Variants in TEK observed in about 807,000 individuals in gnomAD.
The protein encoded by TEK is angiopoietin-1 receptor.
A neutral mutation model predicts 131.8 loss-of-function variants in TEK; 43 were observed. The observed-to-expected ratio is 0.33, with a 90% CI of 0.26 to 0.42. TEK has a LOEUF of 0.42. Ranked by LOEUF, TEK falls within the 10% of genes least tolerant of loss-of-function variation. The pLI is 1.00. For synonymous variants in TEK, 580 were observed against 491.6 expected (o/e 1.18, Z -2.38); for missense variants, 1,162 against 1,384.4 (o/e 0.84, Z 2.55).
chr9:27,219,989 G>C, intron 20 of TEK, 60 bp from the exon 21 acceptor site: 2 of 1,558,994 alleles, frequency 1.3e-6, no homozygotes, highest in Non-Finnish European at 1.8e-6. Context: ...AGAAACCCTG[G>C]ACAGGAAGCA....
Position 27,172,642 on chromosome 9 carries a change from G to C in TEK, c.655G>C (p.Glu219Gln). 6.2e-7 allele frequency: 1 copy of C among 1,613,764 alleles called. No homozygotes were observed. Residue 219 changes from glutamate to glutamine, a missense_variant, in exon 5 of 23, where the codon GAA (glutamate) becomes CAA (glutamine). Around this residue, in one of 6 missense-constraint regions of TEK, gnomAD observed 436 missense variants for 539.1 expected, o/e 0.81. Coordinates refer to ENST00000380036, the MANE Select transcript of TEK (RefSeq NM_000459.5). ...RRCEAQKWGP[E>Q]CNHLCTACMN... ...ATGTGAAGCCCAGAAGTGGGGACCT[G>C]AATGCAACCATCTCTGTACTGCTTG... is the stretch of plus-strand genomic sequence containing the variant.
At chr9:27,206,965 T>C (rs1031934417) in intron 15 of TEK, among the ~76,000 whole-genome samples, 173 bp downstream of exon 15, 1 of 152,250 alleles carries the variant, frequency 6.6e-6, no homozygotes, top group Non-Finnish European at 1.5e-5. Flanking sequence ...ATAGTCAGGA[T>C]ATCAATACAA....
intron 21 of TEK, among the ~76,000 whole-genome samples, chr9:27,225,471 C>T (rs1826281044): frequency 6.6e-6 from 1 of 152,024 alleles, no homozygotes; most frequent in Non-Finnish European, 1.5e-5. Context: ...ACAAACCTGA[C>T]AAAAACAAGC....
chr9:27,136,394 G>A (rs919950249), intron 1 of TEK, among the ~76,000 whole-genome samples: 1 of 152,070 alleles, frequency 6.6e-6, no homozygotes. Flanking sequence ...TTACATTCTT[G>A]TAGTTACCTC....
chr9:27,180,127 C>A, intron 6 of TEK, 113 bp from the exon 7 acceptor site: 1 of 1,495,694 alleles, frequency 6.7e-7, no homozygotes, highest in Non-Finnish European at 9.3e-7. Flanking sequence ...CCCTACCTTA[C>A]ACAAATCAGC....
At chr9:27,216,774 C>A (rs1825834059) in intron 18 of TEK, among the ~76,000 whole-genome samples, 1 of 152,126 alleles carries the variant, frequency 6.6e-6, no homozygotes, top group Non-Finnish European at 1.5e-5. Context: ...AACACCTGCT[C>A]TGGAGAGCTG....
intron 11 of TEK, among the ~76,000 whole-genome samples, chr9:27,195,981 C>T (rs1586999145): frequency 6.6e-6 from 1 of 152,146 alleles, no homozygotes; most frequent in South Asian, 2.1e-4. Context: ...ATAGCGGATA[C>T]CTTGATGTGA....
chr9:27,138,249 C>T (rs185861553), intron 1 of TEK, among the ~76,000 whole-genome samples: 1 of 152,362 alleles, frequency 6.6e-6, no homozygotes, highest in Non-Finnish European at 1.5e-5. Context: ...GTTGCCGCTG[C>T]TGGCTCAGGT....
At chr9:27,141,478 G>T (rs1012153769) in intron 1 of TEK, among the ~76,000 whole-genome samples, 3 of 151,950 alleles carry the variant, frequency 2.0e-5, no homozygotes, top group African/African-American at 7.3e-5. Flanking sequence ...CCAAGTCTTT[G>T]CTAATTTACC....
chr9:27,225,681 A>G (rs947951669), intron 21 of TEK, among the ~76,000 whole-genome samples: 2 of 152,202 alleles, frequency 1.3e-5, no homozygotes, highest in Admixed American at 6.5e-5. Context: ...GCATGGGCAA[A>G]GACTTCATGA....
intron 11 of TEK, chr9:27,195,645 G>A: frequency 2.2e-6 from 1 of 455,866 alleles, no homozygotes; most frequent in South Asian, 1.5e-5. Context: ...ATTATTAACT[G>A]AAAACACACT....
At chr9:27,187,510 A>G (rs141057004) in intron 9 of TEK, among the ~76,000 whole-genome samples, 1,897 of 152,284 alleles carry the variant, frequency 0.012, 18 homozygotes, top group South Asian at 0.028. Flanking sequence ...TGTTCAGAGC[A>G]GTTGTATTCA....
At chr9:27,124,277 A>G (rs1821905633) in intron 1 of TEK, among the ~76,000 whole-genome samples, 1 of 152,236 alleles carries the variant, frequency 6.6e-6, no homozygotes, top group Non-Finnish European at 1.5e-5. Context: ...TTCAAGGTTC[A>G]GCTGATCTAT....
chr9:27,229,180 A>T lies in TEK; in HGVS notation c.3323A>T (p.Tyr1108Phe), dbSNP rs750490158. 2.5e-6 allele frequency: 4 copies of T among 1,613,828 alleles called. No individual in the cohort carries two copies. Among genetic ancestry groups the T allele is most frequent in the Non-Finnish European group, 3.4e-6 (4 of 1,179,736 alleles). The change falls in exon 23 of 23, where the codon TAT becomes TTT. Residue 1108 changes from tyrosine to phenylalanine, a missense_variant. Transcript: ENST00000380036. ...ERKTYVNTTLYEKFTYAGIDC... is the reference protein window; with the variant it reads ...ERKTYVNTTLFEKFTYAGIDC... ...CAGACCTACGTGAATACCACGCTTT[A>T]TGAGAAGTTTACTTATGCAGGAATT...
chr9:27,193,317 C>G (rs1484462598), intron 11 of TEK, among the ~76,000 whole-genome samples: 3 of 152,122 alleles, frequency 2.0e-5, no homozygotes, highest in Admixed American at 6.6e-5. Context: ...GGCCTCGTCC[C>G]CAGAGTTTCG....
chr9:27,187,763 A>C (rs1200335253), intron 9 of TEK, among the ~76,000 whole-genome samples: 6 of 152,116 alleles, frequency 3.9e-5, no homozygotes, highest in Non-Finnish European at 5.9e-5. Flanking sequence ...GTAGATGGCC[A>C]CTGTCTCCCT....
At chr9:27,202,704 T>C in intron 12 of TEK, 116 bp from the exon 13 acceptor site, 5 of 1,094,864 alleles carry the variant, frequency 4.6e-6, no homozygotes, top group Non-Finnish European at 6.8e-6. Context: ...TGGGGTACCA[T>C]ATGAGAAAAC....
chr9:27,205,187 A>G (rs910843147), intron 14 of TEK, 122 bp downstream of exon 14: 6 of 1,262,392 alleles, frequency 4.8e-6, no homozygotes, highest in Non-Finnish European at 4.5e-6. Flanking sequence ...GGCAAGCCTC[A>G]TCTTCTCTTT....
At chr9:27,181,809 TAATA>T (rs558864117) in intron 7 of TEK, among the ~76,000 whole-genome samples, 6 of 152,180 alleles carry the variant, frequency 3.9e-5, no homozygotes, top group Non-Finnish European at 8.8e-5. Flanking sequence ...TTTTCAAACT[TAATA>T]AATATGTATT....
Sources: allele counts gnomAD v4.1 joint callset (sites outside exome capture counted in the v4.1 genomes callset), GRCh38; gene constraint gnomAD v4.1.1; regional missense constraint gnomAD v4.1.1; transcripts MANE v1.5; gene names NCBI Gene and HGNC (gene_info 2026-07-23, HGNC 2026-07-21).